The following DTWD1 variants were observed in gnomAD, a reference collection of about 807,000 sequenced individuals.
The protein encoded by DTWD1 is tRNA-uridine aminocarboxypropyltransferase 1.
DTWD1 carries 27 observed loss-of-function variants against 30.2 expected under a neutral mutation model. The observed-to-expected ratio is 0.90, with a 90% CI of 0.66 to 1.23. The LOEUF (loss-of-function observed/expected upper bound fraction) is 1.23. DTWD1 is among the 50% of genes most tolerant of loss of function. The pLI is 0.00. For missense variants in DTWD1, 342 were observed against 348.8 expected (o/e 0.98, Z 0.15); for synonymous variants, 99 against 113.1 (o/e 0.88, Z 0.79).
chr15:49,625,482 AC>A (rs761238328), intron 2 of DTWD1, 51 bp downstream of exon 2: 3 of 1,489,200 alleles, frequency 2.0e-6, no homozygotes, highest in Admixed American at 1.9e-5. Context: ...TTTTTTAAAA[AC>A]ATCTCATGTA....
At chr15:49,626,873 C>A (rs16962668) in intron 2 of DTWD1, 12,796 of 335,558 alleles carry the variant, frequency 0.038, 834 homozygotes, top group African/African-American at 0.18. Context: ...CAGTTTGCTC[C>A]GAAAAAACAA....
Position 49,634,578 on chromosome 15 carries a change from G to A in DTWD1, c.451G>A (p.Asp151Asn). The stretch of plus-strand genomic sequence containing the variant: ...TGGACCTCAGTCTATCTCAATAAAA[G>A]ATATTTCTTTTCATCTGCAAAAAAG... ...FPGPQSISIK[D>N]ISFHLQKRIQ... Residue 151 changes from aspartate (D) to asparagine (N), a missense_variant, in exon 4 of 5, where the codon GAT becomes AAT. Asp to Asn is a conservative substitution (Grantham distance 23). Coordinates refer to ENST00000403028, the MANE Select transcript of DTWD1 (RefSeq NM_001144955.2). The A allele has an allele frequency of 6.2e-7, 1 of 1,613,258 alleles. No individual in the cohort carries two copies. Among genetic ancestry groups the A allele is most frequent in the Non-Finnish European group, 8.5e-7 (1 of 1,179,706 alleles).
intron 1 of DTWD1, 145 bp from the exon 2 acceptor site, chr15:49,624,968 G>A (rs2078820619): frequency 1.9e-6 from 1 of 531,776 alleles, no homozygotes; most frequent in African/African-American, 1.9e-5. Flanking sequence ...ATGTTTTAAA[G>A]TGTGCCAATT....
chr15:49,635,573 A>G (rs1280451365), intron 4 of DTWD1, among the ~76,000 whole-genome samples: 1 of 151,896 alleles, frequency 6.6e-6, no homozygotes, highest in African/African-American at 2.4e-5. Flanking sequence ...GCTCACTGCA[A>G]CCTCTGCCTC....
At chr15:49,630,623 A>G (rs1190448161) in intron 2 of DTWD1, among the ~76,000 whole-genome samples, 1 of 152,262 alleles carries the variant, frequency 6.6e-6, no homozygotes, top group East Asian at 1.9e-4. Context: ...ATAATTTACA[A>G]AATCCAAGAG....
At position 49,653,767 on chromosome 15, in the gene DTWD1, C is replaced by G. The variant is rs891485276; in HGVS notation, c.*10189C>G. 6.6e-6 allele frequency: 1 copy of G among 152,030 alleles called. No homozygotes were observed. The highest frequency in any genetic ancestry group is 1.5e-5 in the Non-Finnish European group (1 of 68,012). 9.4% of individuals were successfully genotyped at this position (152,030 alleles called of 1,614,324 possible). ...ACTGATGAACTTATTATGGCTGCAT[C>G]TCATAATGTACAGGAAGACATTTAC... On this transcript the variant is annotated 3_prime_UTR_variant, in exon 5 of 5. Coordinates refer to ENST00000403028, the MANE Select transcript of DTWD1 (RefSeq NM_001144955.2).
chr15:49,654,265 T>C lies in DTWD1; in HGVS notation c.*10687T>C, dbSNP rs2079167856. 1 of 152,098 alleles carries C rather than the reference T, an allele frequency of 6.6e-6. No homozygotes were observed. The highest frequency in any genetic ancestry group is 1.9e-4 in the East Asian group (1 of 5,162). 9.4% of individuals were successfully genotyped at this position (152,098 alleles called of 1,614,324 possible). On this transcript the variant is annotated 3_prime_UTR_variant, in exon 5 of 5. Transcript: ENST00000403028. ...CTTAGGGTACAGAGTAAGTACATTT[T>C]TGCATGTTAGTGAGACAAGAACTGT... is the stretch of plus-strand genomic sequence containing the variant.
chr15:49,633,051 A>ATATATATATATC (rs1567739371), intron 3 of DTWD1, among the ~76,000 whole-genome samples: 5 of 140,538 alleles, frequency 3.6e-5, no homozygotes, highest in South Asian at 2.2e-4. Flanking sequence ...ATCTATATCT[A>ATATATATATATC]TATATATATA....
chr15:49,632,230 A>C lies in DTWD1; in HGVS notation c.336A>C (p.Lys112Asn). ...GCAAAAGTACTGCTATACATGCAAA[A>C]CTCTTAGCACCTGAATTTGTAAACA... ...TDGKSTAIHAKLLAPEFVNIY... is the reference protein window; with the variant it reads ...TDGKSTAIHANLLAPEFVNIY... Residue 112 changes from lysine (K) to asparagine (N), a missense_variant, in exon 3 of 5, where the codon AAA becomes AAC. Transcript: ENST00000403028. The C allele has an allele frequency of 6.2e-7, 1 of 1,600,654 alleles. No homozygotes were observed. The highest frequency in any genetic ancestry group is 8.5e-7 in the Non-Finnish European group (1 of 1,176,758).
rs1193294823 is a variant in DTWD1 at position 49,645,903 on chromosome 15, A to G, written c.*2325A>G. 6.6e-6 allele frequency: 1 copy of G among 152,092 alleles called. No homozygotes were observed. The highest frequency in any genetic ancestry group is 2.4e-5 in the African/African-American group (1 of 41,492). 9.4% of individuals were successfully genotyped at this position (152,092 alleles called of 1,614,324 possible). ...TTTTGTTTTTTGTTTTTTTGGTGTG[A>G]TAGATGTAACAGTGGCCCTAATTCT... On this transcript the variant is annotated 3_prime_UTR_variant, in exon 5 of 5. Coordinates refer to ENST00000403028, the MANE Select transcript of DTWD1 (RefSeq NM_001144955.2).
chr15:49,643,325 T>TTTTTTG lies in DTWD1; in HGVS notation c.668-6_668-5insTTTTTG. 3 of 1,456,174 alleles carry TTTTTTG rather than the reference T, an allele frequency of 2.1e-6. No homozygotes were observed. Among genetic ancestry groups the TTTTTTG allele is most frequent in the Admixed American group, 2.9e-5 (1 of 34,286 alleles). 90.2% of individuals were successfully genotyped at this position (1,456,174 alleles called of 1,614,324 possible). A position where few individuals can be genotyped will look rare whatever the true frequency, so the allele number is the denominator to read the frequency against. ...TTCTTTCTTTTTTTTTTTTTTTTTT[T>TTTTTTG]GACAGGGTTGTTACAAGTTGAGTTG... On this transcript the variant is annotated splice_polypyrimidine_tract_variant and splice_region_variant and intron_variant, in intron 4 of 4. Coordinates refer to ENST00000403028, the MANE Select transcript of DTWD1 (RefSeq NM_001144955.2).
At position 49,645,719 on chromosome 15, in the gene DTWD1, C is replaced by T. The variant is rs1196556374; in HGVS notation, c.*2141C>T. On this transcript the variant is annotated 3_prime_UTR_variant, in exon 5 of 5. Transcript: ENST00000403028. ...GAACAATTCTATCACTCATTTGCCT[C>T]CATCTCTCAGCTGGCATAAGAAAGA... The T allele has an allele frequency of 1.3e-5, 2 of 151,988 alleles. No individual in the cohort carries two copies. Among genetic ancestry groups the T allele is most frequent in the African/African-American group, 4.8e-5 (2 of 41,408 alleles). The allele number at this position is 151,988 out of a possible 1,614,324, so 9.4% of individuals were successfully genotyped here.
At chr15:49,623,233 A>G (rs1057053418) in intron 1 of DTWD1, among the ~76,000 whole-genome samples, 1 of 152,190 alleles carries the variant, frequency 6.6e-6, no homozygotes. Context: ...TTCATTTTTT[A>G]GGATGAATCC....
At chr15:49,628,008 G>A (rs2078867404) in intron 2 of DTWD1, among the ~76,000 whole-genome samples, 1 of 152,036 alleles carries the variant, frequency 6.6e-6, no homozygotes, top group Admixed American at 6.5e-5. Context: ...CAAACACATT[G>A]CACAGCTGAA....
rs191511738 is a variant in DTWD1 at position 49,650,657 on chromosome 15, C to A, written c.*7079C>A. 1 of 152,204 alleles carries A rather than the reference C, an allele frequency of 6.6e-6. No individual in the cohort carries two copies. Among genetic ancestry groups the A allele is most frequent in the African/African-American group, 2.4e-5 (1 of 41,444 alleles). The allele number at this position is 152,204 out of a possible 1,614,324, so 9.4% of individuals were successfully genotyped here. A position where few individuals can be genotyped will look rare whatever the true frequency, so the allele number is the denominator to read the frequency against. Reference sequence around the variant, plus strand: ...GCAACAGCTATAGAAAAAGCTTCACCTGAGGTTACCCTCGTCTTAGATCTC... The same window carrying A: ...GCAACAGCTATAGAAAAAGCTTCACATGAGGTTACCCTCGTCTTAGATCTC... On this transcript the variant is annotated 3_prime_UTR_variant, in exon 5 of 5. Coordinates refer to ENST00000403028, the MANE Select transcript of DTWD1 (RefSeq NM_001144955.2).
Position 49,645,161 on chromosome 15 carries a change from A to T in DTWD1, c.*1583A>T, listed in dbSNP as rs1666414388. 1 of 152,200 alleles carries T rather than the reference A, an allele frequency of 6.6e-6. No individual in the cohort carries two copies. The highest frequency in any genetic ancestry group is 2.4e-5 in the African/African-American group (1 of 41,462). 9.4% of individuals were successfully genotyped at this position (152,200 alleles called of 1,614,324 possible). ...ATTTAAGCTGATATATCTTAAACTT[A>T]CTTGAATATGTAGCACCTATTAACA... On this transcript the variant is annotated 3_prime_UTR_variant, in exon 5 of 5. Coordinates refer to ENST00000403028, the MANE Select transcript of DTWD1 (RefSeq NM_001144955.2).
Position 49,632,306 on chromosome 15 carries a change from G to C in DTWD1, c.408+4G>C. 1 of 1,572,296 alleles carries C rather than the reference G, an allele frequency of 6.4e-7. No individual in the cohort carries two copies. Among genetic ancestry groups the C allele is most frequent in the Non-Finnish European group, 8.6e-7 (1 of 1,169,468 alleles). On this transcript the variant is annotated splice_donor_region_variant and intron_variant, in intron 3 of 4. Coordinates refer to ENST00000403028, the MANE Select transcript of DTWD1 (RefSeq NM_001144955.2). ...ATATGAAGAAAAGGACCATGAAGTA[G>C]GCAACTTAGTTTTTATAACTCTTCA... is the stretch of plus-strand genomic sequence containing the variant.
chr15:49,640,605 A>G (rs1438192924), intron 4 of DTWD1, among the ~76,000 whole-genome samples: 1 of 152,102 alleles, frequency 6.6e-6, no homozygotes, highest in Non-Finnish European at 1.5e-5. Flanking sequence ...GTATTATCAA[A>G]TGTCTGATTT....
At chr15:49,621,620 G>T (rs74705630) in intron 1 of DTWD1, among the ~76,000 whole-genome samples, 1,658 of 152,134 alleles carry the variant, frequency 0.011, 33 homozygotes, top group African/African-American at 0.039. Context: ...TATTTATTGG[G>T]AATGTAGGAC....
Sources: allele counts gnomAD v4.1 joint callset (sites outside exome capture counted in the v4.1 genomes callset), GRCh38; gene constraint gnomAD v4.1.1; transcripts MANE v1.5; gene names NCBI Gene and HGNC (gene_info 2026-07-23, HGNC 2026-07-21).